The following PTPRR variants were observed in gnomAD, a reference collection of about 807,000 sequenced individuals.
The protein encoded by PTPRR is protein tyrosine phosphatase receptor type R, also known as receptor-type tyrosine-protein phosphatase R.
Under a neutral mutation model 77.2 loss-of-function variants are expected in PTPRR, and 38 were observed. The observed-to-expected ratio is 0.49, with a 90% CI of 0.38 to 0.65. The LOEUF (loss-of-function observed/expected upper bound fraction) is 0.65, where lower values mean the gene tolerates loss of function less well. PTPRR is among the 30% of genes least tolerant of loss of function. The pLI, the probability that PTPRR is intolerant of heterozygous loss-of-function variation, is 0.00. For missense variants in PTPRR, 744 were observed against 799.2 expected (o/e 0.93, Z 0.83); for synonymous variants, 299 against 283.1 (o/e 1.06, Z -0.57).
At chr12:70,823,463 G>A (rs1177588371) in intron 2 of PTPRR, among the ~76,000 whole-genome samples, 1 of 152,172 alleles carries the variant, frequency 6.6e-6, no homozygotes, top group Admixed American at 6.5e-5. Context: ...TTCTGAAACA[G>A]TGTCAGAATT....
At chr12:70,658,883 GTTTTTT>G (rs746595856) in intron 12 of PTPRR, among the ~76,000 whole-genome samples, 1,357 of 36,790 alleles carry the variant, frequency 0.037, 8 homozygotes, top group East Asian at 0.13. Context: ...TTTTGCTCTA[GTTTTTT>G]TTTTTTTTTT....
At chr12:70,651,874 G>A (rs993025637) in intron 13 of PTPRR, among the ~76,000 whole-genome samples, 2 of 150,580 alleles carry the variant, frequency 1.3e-5, no homozygotes, top group Non-Finnish European at 2.9e-5. Flanking sequence ...CAAGTTACTC[G>A]CTATCTCGAA....
intron 5 of PTPRR, among the ~76,000 whole-genome samples, chr12:70,752,326 T>C (rs1890427442): frequency 6.6e-6 from 1 of 152,284 alleles, no homozygotes; most frequent in Non-Finnish European, 1.5e-5. Context: ...CCTTTCTTGA[T>C]TTGTTCTAAT....
At chr12:70,660,886 G>A (rs927794790) in intron 12 of PTPRR, 54 bp downstream of exon 12, 24 of 1,522,324 alleles carry the variant, frequency 1.6e-5, no homozygotes, top group Non-Finnish European at 8.8e-7. Context: ...CCTGCTCTGT[G>A]ACTTTACAAA....
At chr12:70,870,988 G>C (rs890861026) in intron 2 of PTPRR, among the ~76,000 whole-genome samples, 9 of 152,192 alleles carry the variant, frequency 5.9e-5, no homozygotes, top group African/African-American at 2.2e-4. Flanking sequence ...CAACACTTGG[G>C]AAATAGAGGT....
At chr12:70,653,109 A>C (rs1886455594) in intron 13 of PTPRR, among the ~76,000 whole-genome samples, 1 of 152,260 alleles carries the variant, frequency 6.6e-6, no homozygotes, top group Non-Finnish European at 1.5e-5. Context: ...ACAGGACTCC[A>C]AGGTATGAAC....
At chr12:70,901,636 G>A (rs1279807964) in intron 1 of PTPRR, among the ~76,000 whole-genome samples, 1 of 151,650 alleles carries the variant, frequency 6.6e-6, no homozygotes, top group Non-Finnish European at 1.5e-5. Flanking sequence ...TTAGATCTGA[G>A]ACCTAAAACT....
At chr12:70,763,908 T>A (rs908722104) in intron 3 of PTPRR, among the ~76,000 whole-genome samples, 1 of 151,936 alleles carries the variant, frequency 6.6e-6, no homozygotes, top group African/African-American at 2.4e-5. Flanking sequence ...TTGCATGAAA[T>A]CCAGGTTCCC....
At chr12:70,720,902 T>C (rs1166430195) in intron 6 of PTPRR, among the ~76,000 whole-genome samples, 2 of 152,212 alleles carry the variant, frequency 1.3e-5, no homozygotes, top group Admixed American at 6.5e-5. Context: ...AATAACTTTT[T>C]CTATTTGGTT....
chr12:70,676,062 C>T (rs533320737), intron 10 of PTPRR, among the ~76,000 whole-genome samples: 23 of 151,978 alleles, frequency 1.5e-4, no homozygotes, highest in African/African-American at 5.1e-4. Flanking sequence ...AAATCCCTAT[C>T]TATTATTTCT....
intron 2 of PTPRR, among the ~76,000 whole-genome samples, chr12:70,842,642 C>T (rs1037246225): frequency 6.6e-6 from 1 of 152,210 alleles, no homozygotes; most frequent in African/African-American, 2.4e-5. Flanking sequence ...TGTGTCTTGT[C>T]TTCTGTCTGT....
chr12:70,680,965 G>A (rs182027591), intron 10 of PTPRR, among the ~76,000 whole-genome samples: 235 of 151,904 alleles, frequency 1.5e-3, no homozygotes, highest in African/African-American at 5.4e-3. Context: ...AGGCCAGTTT[G>A]GACTTGGTTT....
chr12:70,765,167 T>C (rs1890786113), intron 2 of PTPRR, among the ~76,000 whole-genome samples: 1 of 152,162 alleles, frequency 6.6e-6, no homozygotes, highest in Admixed American at 6.5e-5. Context: ...CGCAGGACAG[T>C]GGGTGCAGTG....
intron 2 of PTPRR, among the ~76,000 whole-genome samples, chr12:70,774,301 C>G (rs1472769180): frequency 6.6e-6 from 1 of 152,186 alleles, no homozygotes; most frequent in Non-Finnish European, 1.5e-5. Flanking sequence ...CAAGCCCCCT[C>G]AAGGGGGTTG....
intron 8 of PTPRR, among the ~76,000 whole-genome samples, chr12:70,690,554 G>A (rs11178365): frequency 0.068 from 10,348 of 152,254 alleles, 444 homozygotes; most frequent in African/African-American, 0.12. Context: ...AATGCACGCA[G>A]TGATTAGTTC....
intron 1 of PTPRR, among the ~76,000 whole-genome samples, chr12:70,911,745 C>T (rs528294634): frequency 9.0e-4 from 61 of 68,024 alleles, no homozygotes; most frequent in African/African-American, 5.3e-3. Context: ...AGAAAAGGCT[C>T]AACTGAAAAA....
intron 7 of PTPRR, among the ~76,000 whole-genome samples, chr12:70,698,665 A>T (rs1888318206): frequency 6.6e-6 from 1 of 152,208 alleles, no homozygotes; most frequent in South Asian, 2.1e-4. Flanking sequence ...AGATGCTAAA[A>T]AGTGAATTTT....
intron 6 of PTPRR, among the ~76,000 whole-genome samples, chr12:70,726,171 A>G (rs1420253095): frequency 6.6e-6 from 1 of 151,710 alleles, no homozygotes; most frequent in Non-Finnish European, 1.5e-5. Flanking sequence ...ATACATATGT[A>G]TATATTTTAG....
intron 6 of PTPRR, among the ~76,000 whole-genome samples, chr12:70,739,960 A>G (rs968369404): frequency 6.6e-6 from 1 of 152,196 alleles, no homozygotes; most frequent in Non-Finnish European, 1.5e-5. Flanking sequence ...GATTTGGAGC[A>G]AATGATCAGG....
Sources: allele counts gnomAD v4.1 joint callset (sites outside exome capture counted in the v4.1 genomes callset), GRCh38; gene constraint gnomAD v4.1.1; transcripts MANE v1.5; gene names NCBI Gene and HGNC (gene_info 2026-07-23, HGNC 2026-07-21).